Variants in DOCK9 observed in about 807,000 individuals in gnomAD.
The protein encoded by DOCK9 is dedicator of cytokinesis 9.
A neutral mutation model predicts 263.3 loss-of-function variants in DOCK9; 89 were observed. That is an observed-to-expected ratio of 0.34 (90% CI 0.28 to 0.40). The LOEUF (loss-of-function observed/expected upper bound fraction) is 0.40, where lower values mean the gene tolerates loss of function less well. Ranked by LOEUF, DOCK9 falls within the 10% of genes least tolerant of loss-of-function variation. The pLI, the probability that DOCK9 is intolerant of heterozygous loss-of-function variation, is 1.00. For synonymous variants in DOCK9, 976 were observed against 973.1 expected (o/e 1.00, Z -0.06); for missense variants, 2,140 against 2,603.4 (o/e 0.82, Z 3.87).
chr13:98,995,860 G>A (rs1186915830), intron 1 of DOCK9, among the ~76,000 whole-genome samples: 1 of 152,110 alleles, frequency 6.6e-6, no homozygotes, highest in Non-Finnish European at 1.5e-5. Flanking sequence ...CAAATTGAGG[G>A]GTGAGGAAAT....
At chr13:98,822,105 A>T (rs537106503) in intron 45 of DOCK9, among the ~76,000 whole-genome samples, 1 of 152,320 alleles carries the variant, frequency 6.6e-6, no homozygotes, top group South Asian at 2.1e-4. Context: ...AGGACTTTAT[A>T]ACCCTGCTGT....
At chr13:98,920,745 C>G (rs1427832937) in intron 7 of DOCK9, among the ~76,000 whole-genome samples, 1 of 152,198 alleles carries the variant, frequency 6.6e-6, no homozygotes, top group Non-Finnish European at 1.5e-5. Flanking sequence ...CCAGAGTGCT[C>G]CTGCCTGCCA....
chr13:99,023,534 A>G (rs1886360991), intron 1 of DOCK9, among the ~76,000 whole-genome samples: 2 of 152,362 alleles, frequency 1.3e-5, no homozygotes, highest in Admixed American at 1.3e-4. Context: ...AGAAGATGAA[A>G]AAGTTCTGGA....
At chr13:98,831,873 C>A in intron 39 of DOCK9, 87 bp from the exon 40 acceptor site, 1 of 1,501,148 alleles carries the variant, frequency 6.7e-7, no homozygotes, top group Non-Finnish European at 9.0e-7. Flanking sequence ...ATTACATTTT[C>A]TAAGTATTAA....
At chr13:99,058,174 T>C (rs1378597023) in intron 1 of DOCK9, among the ~76,000 whole-genome samples, 1 of 151,328 alleles carries the variant, frequency 6.6e-6, no homozygotes, top group Non-Finnish European at 1.5e-5. Context: ...ATCTTTTTTT[T>C]TTTTTTTTGA....
chr13:99,017,894 A>G (rs903795015), intron 1 of DOCK9, among the ~76,000 whole-genome samples: 23 of 152,342 alleles, frequency 1.5e-4, no homozygotes, highest in African/African-American at 5.5e-4. Context: ...AAAAATAAAG[A>G]AAAAAGGTAA....
chr13:99,057,299 T>C (rs1048345307), intron 1 of DOCK9, among the ~76,000 whole-genome samples: 1 of 152,186 alleles, frequency 6.6e-6, no homozygotes, highest in African/African-American at 2.4e-5. Context: ...AAAAAATAAG[T>C]AGTAGTCTCA....
At chr13:99,078,006 C>T (rs2041979245) in intron 1 of DOCK9, among the ~76,000 whole-genome samples, 1 of 152,126 alleles carries the variant, frequency 6.6e-6, no homozygotes, top group South Asian at 2.1e-4. Context: ...AGAAGAGACA[C>T]AGGAGGAGTT....
At chr13:98,877,701 G>A (rs992984004) in intron 27 of DOCK9, among the ~76,000 whole-genome samples, 6 of 152,058 alleles carry the variant, frequency 3.9e-5, no homozygotes, top group Non-Finnish European at 7.3e-5. Flanking sequence ...CAGAGCACTC[G>A]TCATGAGGTA....
chr13:98,844,917 T>C (rs2093343566), intron 38 of DOCK9, among the ~76,000 whole-genome samples: 1 of 152,248 alleles, frequency 6.6e-6, no homozygotes, highest in South Asian at 2.1e-4. Context: ...AATAACCATG[T>C]ATTAAAGACA....
chr13:98,837,287 C>G (rs1256001793), intron 39 of DOCK9, among the ~76,000 whole-genome samples: 1 of 152,100 alleles, frequency 6.6e-6, no homozygotes, highest in Non-Finnish European at 1.5e-5. Flanking sequence ...CACACACTGA[C>G]CAGTTAAATT....
chr13:98,811,138 T>C (rs1299305689), intron 45 of DOCK9, among the ~76,000 whole-genome samples: 5 of 152,238 alleles, frequency 3.3e-5, no homozygotes, highest in African/African-American at 4.8e-5. Flanking sequence ...AAGGTTTGGA[T>C]TGATTGATGT....
chr13:98,973,605 T>A (rs1406983313), intron 1 of DOCK9, among the ~76,000 whole-genome samples: 1 of 152,216 alleles, frequency 6.6e-6, no homozygotes, highest in Non-Finnish European at 1.5e-5. Context: ...AAGAAACTTT[T>A]ATTTTCTTTG....
At chr13:99,015,130 A>G (rs963303489) in intron 1 of DOCK9, among the ~76,000 whole-genome samples, 3 of 152,206 alleles carry the variant, frequency 2.0e-5, no homozygotes, top group African/African-American at 7.2e-5. Flanking sequence ...ATAATACCCT[A>G]AATATACACT....
intron 2 of DOCK9, chr13:98,950,175 G>A (rs938890691): frequency 4.7e-6 from 4 of 851,496 alleles, no homozygotes; most frequent in Non-Finnish European, 7.1e-6. Flanking sequence ...TTCTTTGGAT[G>A]CGTAAAACAA....
intron 27 of DOCK9, among the ~76,000 whole-genome samples, chr13:98,874,389 C>A (rs916295537): frequency 6.6e-6 from 1 of 152,176 alleles, no homozygotes; most frequent in Non-Finnish European, 1.5e-5. Flanking sequence ...ATCCATTTAC[C>A]AGCTGATGGT....
At chr13:98,952,893 T>C (rs896570619) in intron 2 of DOCK9, among the ~76,000 whole-genome samples, 17 of 152,366 alleles carry the variant, frequency 1.1e-4, no homozygotes, top group African/African-American at 4.1e-4. Context: ...AGCATGCGTT[T>C]TGCTGCTGCC....
chr13:98,839,143 C>T (rs1339869298), intron 38 of DOCK9, among the ~76,000 whole-genome samples: 1 of 152,196 alleles, frequency 6.6e-6, no homozygotes. Flanking sequence ...AAAGGTGGTG[C>T]TGAGATCCTG....
intron 7 of DOCK9, among the ~76,000 whole-genome samples, chr13:98,916,295 A>T (rs1332066671): frequency 6.6e-6 from 1 of 152,224 alleles, no homozygotes; most frequent in Non-Finnish European, 1.5e-5. Flanking sequence ...GTCTTCAGAC[A>T]TTCCAAGATG....
Sources: allele counts gnomAD v4.1 joint callset (sites outside exome capture counted in the v4.1 genomes callset), GRCh38; gene constraint gnomAD v4.1.1; transcripts MANE v1.5; gene names NCBI Gene and HGNC (gene_info 2026-07-23, HGNC 2026-07-21).